Variants in CACNB2 observed in about 807,000 individuals in gnomAD.
CACNB2 encodes the protein voltage-dependent L-type calcium channel subunit beta-2.
CACNB2 carries 42 observed loss-of-function variants against 73.3 expected under a neutral mutation model. That is an observed-to-expected ratio of 0.57 (90% confidence interval 0.45 to 0.74). The LOEUF (loss-of-function observed/expected upper bound fraction) is 0.74, where lower values mean the gene tolerates loss of function less well. Ranked by LOEUF, CACNB2 falls within the 30% of genes least tolerant of loss-of-function variation. The pLI is 0.00. For missense variants in CACNB2, 940 were observed against 853.0 expected, an observed-to-expected ratio of 1.10 and a Z score of -1.27; for synonymous variants, 348 against 310.3, an observed-to-expected ratio of 1.12 and a Z score of -1.28.
intron 2 of CACNB2, among the ~76,000 whole-genome samples, chr10:18,193,216 T>C (rs1014718414): frequency 4.0e-5 from 6 of 151,732 alleles, no homozygotes; most frequent in South Asian, 2.1e-4. Context: ...TATTTTGAAA[T>C]ATATAATAAA....
chr10:18,332,065 C>T (rs993093251), intron 2 of CACNB2, among the ~76,000 whole-genome samples: 3 of 152,206 alleles, frequency 2.0e-5, no homozygotes, highest in African/African-American at 4.8e-5. Flanking sequence ...GGGGAGAGGA[C>T]GTCTGAGATG....
chr10:18,296,100 G>T (rs12248169), intron 2 of CACNB2, among the ~76,000 whole-genome samples: 1 of 143,706 alleles, frequency 7.0e-6, no homozygotes, highest in African/African-American at 2.6e-5. Context: ...CTTTATCAGA[G>T]ATCTATCTCT....
intron 3 of CACNB2, among the ~76,000 whole-genome samples, chr10:18,490,945 G>A (rs2049380342): frequency 6.6e-6 from 1 of 152,068 alleles, no homozygotes; most frequent in Non-Finnish European, 1.5e-5. Context: ...TTTGGCCTTG[G>A]GATCTGGAAT....
Position 18,329,579 on chromosome 10 carries a change from G to GGAGT in CACNB2, c.214-72344_214-72341dup, listed in dbSNP as rs2040720244. 7.3e-5 allele frequency among the ~76,000 whole-genome samples: 11 copies of GGAGT among 151,640 alleles called. No homozygotes were observed. The South Asian group carries it at 2.3e-3, about 32-fold the overall frequency. On this transcript the variant is annotated intron_variant, in intron 2 of 13. Coordinates refer to ENST00000324631, the MANE Select transcript of CACNB2 (RefSeq NM_201596.3). Reference sequence around the variant, plus strand: ...AATGGGCCATTGTAGTCAAAATCAGGGAGTAGCCAATTATTTTTGCGATTT... The same window carrying GGAGT: ...AATGGGCCATTGTAGTCAAAATCAGGGAGTGAGTAGCCAATTATTTTTGCGATTT...
At chr10:18,231,965 T>C (rs2036241440) in intron 2 of CACNB2, among the ~76,000 whole-genome samples, 1 of 152,232 alleles carries the variant, frequency 6.6e-6, no homozygotes, top group Non-Finnish European at 1.5e-5. Flanking sequence ...GCTCCAGACC[T>C]CCATGCAAAA....
At chr10:18,310,605 C>CAAAAAAAAAAAAAAAAAAAAAAAGAAAAA (rs2039922884) in intron 2 of CACNB2, among the ~76,000 whole-genome samples, 1 of 36,860 alleles carries the variant, frequency 2.7e-5, no homozygotes, top group Non-Finnish European at 4.5e-5. Flanking sequence ...AACTCCATCT[C>CAAAAAAAAAAAAAAAAAAAAAAAGAAAAA]AAAAAAAAAA....
intron 2 of CACNB2, among the ~76,000 whole-genome samples, chr10:18,351,009 T>C (rs2041682084): frequency 6.6e-6 from 1 of 152,234 alleles, no homozygotes; most frequent in African/African-American, 2.4e-5. Flanking sequence ...ACTAGAATTT[T>C]TTTAAATGAG....
intron 2 of CACNB2, among the ~76,000 whole-genome samples, chr10:18,188,831 C>T (rs140808895): frequency 0.022 from 3,367 of 152,202 alleles, 45 homozygotes; most frequent in Non-Finnish European, 0.035. Flanking sequence ...ATAGTGAGAT[C>T]ACCACTGTTA....
intron 2 of CACNB2, among the ~76,000 whole-genome samples, chr10:18,234,574 C>A (rs559402696): frequency 1.7e-4 from 26 of 152,294 alleles, no homozygotes; most frequent in African/African-American, 6.3e-4. Flanking sequence ...AGGTATTTCT[C>A]ACACATGAAG....
Position 18,536,243 on chromosome 10 carries a change from C to CTTTTCTTTTTTTTTT in CACNB2, c.1302+51_1302+52insCTTTTTTTTTTTTTT, listed in dbSNP as rs1327787339. The CTTTTCTTTTTTTTTT allele has an allele frequency of 1.3e-3, 375 of 282,678 alleles. 20 individuals carry two copies. The highest frequency in any genetic ancestry group is 1.9e-3 in the African/African-American group (30 of 15,404). The allele number at this position is 282,678 out of a possible 1,614,324, so 17.5% of individuals were successfully genotyped here. A position where few individuals can be genotyped will look rare whatever the true frequency, so the allele number is the denominator to read the frequency against. ...CATAATCCAGTTACAGAGATCAGAC[C>CTTTTCTTTTTTTTTT]TTTTTTTTTTTTTTTTTTTTTTTTT... On this transcript the variant is annotated intron_variant, in intron 12 of 13. Transcript: ENST00000324631.
chr10:18,371,432 C>A (rs2042579230), intron 2 of CACNB2, among the ~76,000 whole-genome samples: 1 of 152,092 alleles, frequency 6.6e-6, no homozygotes, highest in Non-Finnish European at 1.5e-5. Flanking sequence ...TGTTCAATTC[C>A]CACCTATGAG....
rs185232645 is a variant in CACNB2 at position 18,158,491 on chromosome 10, T to A, written c.213+7516T>A. On this transcript the variant is annotated intron_variant, in intron 2 of 13. Coordinates refer to ENST00000324631, the MANE Select transcript of CACNB2 (RefSeq NM_201596.3). ...TGCAGCTATTGAGGTTGTCTTCAAT[T>A]CCCGTAGAAACTCTTTGGCTATGGG... Among the ~76,000 whole-genome samples, 114 of 152,302 alleles carry A rather than the reference T, an allele frequency of 7.5e-4. No individual in the cohort carries two copies. The Middle Eastern group carries it at 0.024, about 32-fold the overall frequency.
At chr10:18,199,941 CTGTGTGTG>C (rs141377460) in intron 2 of CACNB2, among the ~76,000 whole-genome samples, 109 of 136,518 alleles carry the variant, frequency 8.0e-4, no homozygotes, top group African/African-American at 2.1e-3. Flanking sequence ...GTATATGAAA[CTGTGTGTG>C]TGTGTGTGTG....
At chr10:18,323,202 T>A (rs1025000705) in intron 2 of CACNB2, among the ~76,000 whole-genome samples, 8 of 151,970 alleles carry the variant, frequency 5.3e-5, no homozygotes, top group African/African-American at 1.9e-4. Flanking sequence ...CATGCAATCC[T>A]CTCGCCTCAG....
intron 2 of CACNB2, among the ~76,000 whole-genome samples, chr10:18,182,927 C>G (rs2131221942): frequency 6.6e-6 from 1 of 151,992 alleles, no homozygotes; most frequent in East Asian, 1.9e-4. Flanking sequence ...ATCTCTTACA[C>G]TCATGCATAT....
intron 2 of CACNB2, chr10:18,340,688 T>C: frequency 7.1e-7 from 1 of 1,406,318 alleles, no homozygotes; most frequent in South Asian, 1.5e-5. Flanking sequence ...GTTAATTGAC[T>C]TTGATGAGCT....
intron 2 of CACNB2, among the ~76,000 whole-genome samples, chr10:18,223,074 G>A (rs924486973): frequency 2.0e-5 from 3 of 152,110 alleles, no homozygotes; most frequent in African/African-American, 7.2e-5. Flanking sequence ...AAGGCTTTCT[G>A]GTTTGCTGTC....
chr10:18,394,948 G>C (rs1447488539), intron 2 of CACNB2, among the ~76,000 whole-genome samples: 2 of 152,118 alleles, frequency 1.3e-5, no homozygotes, highest in Non-Finnish European at 2.9e-5. Flanking sequence ...CATGTTTCCA[G>C]TAACGTGGAG....
intron 12 of CACNB2, 129 bp from the exon 13 acceptor site, chr10:18,538,045 TAGTAGC>T (rs375828763): frequency 9.8e-6 from 8 of 813,668 alleles, no homozygotes; most frequent in African/African-American, 1.7e-5. Context: ...AAAAGGGAGA[TAGTAGC>T]AGCACTTATA....
Sources: gnomAD v4.1 joint callset for allele counts (sites outside exome capture counted in the v4.1 genomes callset) on GRCh38, gnomAD v4.1.1 for gene constraint, MANE v1.5 for transcripts, NCBI Gene and HGNC (gene_info 2026-07-23, HGNC 2026-07-21) for gene names.